Variants in COL4A3 observed in about 807,000 individuals in gnomAD.
COL4A3 encodes collagen alpha-3(IV) chain.
COL4A3 carries 135 observed loss-of-function variants against 217.4 expected under a neutral mutation model. The ratio of observed to expected loss-of-function variants is 0.62; its 90% CI spans 0.54 to 0.72. COL4A3 has a LOEUF of 0.72. Ranked by LOEUF, COL4A3 falls within the 30% of genes least tolerant of loss-of-function variation. The pLI, the probability that COL4A3 is intolerant of heterozygous loss-of-function variation, is 0.00. For missense variants in COL4A3, 1,868 were observed against 2,119.9 expected (o/e 0.88, Z 2.33); for synonymous variants, 690 against 736.3 (o/e 0.94, Z 1.02).
chr2:227,244,817 C>T (rs1274642979), intron 4 of COL4A3, 134 bp from the exon 5 acceptor site: 2 of 917,174 alleles, frequency 2.2e-6, no homozygotes, highest in Non-Finnish European at 3.6e-6. Flanking sequence ...TTTGTTTTCC[C>T]AATCGTTTCG....
chr2:227,262,328 C>CA (rs907557897), intron 20 of COL4A3, among the ~76,000 whole-genome samples: 6 of 152,046 alleles, frequency 3.9e-5, no homozygotes, highest in African/African-American at 1.2e-4. Context: ...AACAAACAAA[C>CA]AAAAAAACAG....
At chr2:227,204,566 A>G (rs1559824622) in intron 1 of COL4A3, among the ~76,000 whole-genome samples, 1 of 152,184 alleles carries the variant, frequency 6.6e-6, no homozygotes, top group Non-Finnish European at 1.5e-5. Context: ...CTGGGATTCT[A>G]AAGACAGGCT....
In COL4A3 at chr2:227,253,529, A is replaced by G. The variant is rs781623162; in HGVS notation, c.688-32A>G. On this transcript the variant is annotated intron_variant, in intron 12 of 51. Transcript: ENST00000396578. This position sits in a 1 kb window ranked among gnomAD's most constrained non-coding sequence, Gnocchi z 4.4. ...CATTGAAATGTTGATGCTGTTGTTT[A>G]TTTTCTCACTCCTGAGTGTTTTTGT... 2 of 1,575,336 alleles carry G rather than the reference A, an allele frequency of 1.3e-6. No homozygotes were observed. Among genetic ancestry groups the G allele is most frequent in the Non-Finnish European group, 1.7e-6 (2 of 1,144,880 alleles).
intron 1 of COL4A3, among the ~76,000 whole-genome samples, chr2:227,197,303 A>T (rs1250333828): frequency 6.6e-6 from 1 of 151,770 alleles, no homozygotes; most frequent in Non-Finnish European, 1.5e-5. Flanking sequence ...TGCAACCTCC[A>T]CCTCCCTGGG....
Position 227,283,931 on chromosome 2 carries a change from T to C in COL4A3, c.2746+75T>C, listed in dbSNP as rs2072153220. 4 of 1,345,972 alleles carry C rather than the reference T, an allele frequency of 3.0e-6. No homozygotes were observed. The Admixed American group carries it at 5.1e-5, about 17-fold the overall frequency. 83.4% of individuals were successfully genotyped at this position (1,345,972 alleles called of 1,614,324 possible). Reference sequence around the variant, plus strand: ...ATTTATTTTGCAGCAAAAAAAGTTATGTTTCATTGGAGGGAAAAATAGTTC... The same window carrying C: ...ATTTATTTTGCAGCAAAAAAAGTTACGTTTCATTGGAGGGAAAAATAGTTC... On this transcript the variant is annotated intron_variant, in intron 33 of 51. Coordinates refer to ENST00000396578, the MANE Select transcript of COL4A3 (RefSeq NM_000091.5).
intron 1 of COL4A3, among the ~76,000 whole-genome samples, chr2:227,193,380 G>A (rs1250317073): frequency 6.6e-6 from 1 of 152,186 alleles, no homozygotes; most frequent in Non-Finnish European, 1.5e-5. Flanking sequence ...AGATCACAAT[G>A]GCAGGATGTT....
At chr2:227,209,823 T>C (rs2067245169) in intron 1 of COL4A3, among the ~76,000 whole-genome samples, 1 of 151,868 alleles carries the variant, frequency 6.6e-6, no homozygotes, top group Non-Finnish European at 1.5e-5. Context: ...GCCTGGGCAA[T>C]AAGAGCAAAA....
chr2:227,199,666 A>T (rs1004088035), intron 1 of COL4A3, among the ~76,000 whole-genome samples: 1 of 152,194 alleles, frequency 6.6e-6, no homozygotes, highest in African/African-American at 2.4e-5. Flanking sequence ...ATCACCTAAG[A>T]TCTTAAATAT....
At position 227,191,048 on chromosome 2, in the gene COL4A3, AG is replaced by A. The variant is rs555025704; in HGVS notation, c.87+26237del. 4.6e-3 allele frequency among the ~76,000 whole-genome samples: 694 copies of A among 152,326 alleles called. 7 individuals carry two copies. The highest frequency in any genetic ancestry group is 0.016 in the African/African-American group (665 of 41,570). On this transcript the variant is annotated intron_variant, in intron 1 of 51. Transcript: ENST00000396578. The surrounding 1 kb of genome is among the most constrained non-coding windows in gnomAD (Gnocchi z 6.8). ...AGAATTTTTTAAAAAATAGATGCAA[AG>A]GTTATTATATATGAAATTTTATGTC...
chr2:227,280,442 A>G lies in COL4A3; in HGVS notation c.2226A>G (p.Gly742=). ...ATAACACAATTTCTATGCTGTAGGG[A>G]GAACCAGCAGTAGCCATGCCTGGAG... The part of the protein sequence containing the change: ...PGKPGLPGAK[G]EPAVAMPGGP... Residue 742 remains glycine, a splice_region_variant and synonymous_variant, in exon 30 of 52, where the codon GGA becomes GGG. Coordinates refer to ENST00000396578, the MANE Select transcript of COL4A3 (RefSeq NM_000091.5). 3.1e-6 allele frequency: 5 copies of G among 1,614,114 alleles called. No homozygotes were observed. The highest frequency in any genetic ancestry group is 4.2e-6 in the Non-Finnish European group (5 of 1,179,996).
chr2:227,271,888 C>T (rs1304233809), intron 25 of COL4A3, among the ~76,000 whole-genome samples: 1 of 152,160 alleles, frequency 6.6e-6, no homozygotes, highest in African/African-American at 2.4e-5. Context: ...ACCAGTTTCT[C>T]CCAGGGCTAA....
chr2:227,230,908 T>C (rs533783683), intron 1 of COL4A3, among the ~76,000 whole-genome samples: 2 of 152,308 alleles, frequency 1.3e-5, no homozygotes, highest in South Asian at 2.1e-4. Context: ...ACTATAATTT[T>C]GAGTTCACAC....
At chr2:227,251,894 TC>T (rs1213624049) in intron 11 of COL4A3, among the ~76,000 whole-genome samples, 4 of 151,522 alleles carry the variant, frequency 2.6e-5, no homozygotes, top group Non-Finnish European at 5.9e-5. Context: ...TGTGATGAAA[TC>T]CCATCTCTAC....
At position 227,276,486 on chromosome 2, in the gene COL4A3, C is replaced by A; in HGVS notation, c.2020+9C>A. ...CCCCCAAGGTCCACCTGGTAAGTAT[C>A]CTCTGCCAAATCTGGTACATGGCAT... On this transcript the variant is annotated intron_variant, in intron 27 of 51. Transcript: ENST00000396578. 1 of 1,604,108 alleles carries A rather than the reference C, an allele frequency of 6.2e-7. No homozygotes were observed. Among genetic ancestry groups the A allele is most frequent in the Non-Finnish European group, 8.5e-7 (1 of 1,170,958 alleles).
intron 1 of COL4A3, among the ~76,000 whole-genome samples, chr2:227,203,332 T>TAC (rs1158923097): frequency 5.0e-5 from 3 of 59,486 alleles, no homozygotes; most frequent in Admixed American, 2.0e-4. Flanking sequence ...TGTGTATACA[T>TAC]ACATATATGT....
chr2:227,254,232 A>C (rs2069998986), intron 14 of COL4A3, 58 bp downstream of exon 14: 1 of 1,464,156 alleles, frequency 6.8e-7, no homozygotes, highest in Non-Finnish European at 9.6e-7. Context: ...CTTAGTATTT[A>C]CTTTGATGTG....
intron 26 of COL4A3, among the ~76,000 whole-genome samples, chr2:227,274,500 T>C (rs2071439017): frequency 7.1e-6 from 1 of 141,454 alleles, no homozygotes; most frequent in African/African-American, 2.5e-5. Context: ...TTGGAGCTGC[T>C]TTTTTTTTTT....
chr2:227,312,048 T>C lies in COL4A3; in HGVS notation c.*178T>C, dbSNP rs2073761701. On this transcript the variant is annotated 3_prime_UTR_variant, in exon 52 of 52. Coordinates refer to ENST00000396578, the MANE Select transcript of COL4A3 (RefSeq NM_000091.5). ...CAATTCTTTCAAGTCAGTTCTGTGA[T>C]CTGGGTCTCTAATCTGTGCTGTTTC... The C allele has an allele frequency of 8.8e-7, 1 of 1,140,122 alleles. No individual in the cohort carries two copies. The highest frequency in any genetic ancestry group is 1.6e-5 in the African/African-American group (1 of 63,916). The allele number at this position is 1,140,122 out of a possible 1,614,324, so 70.6% of individuals were successfully genotyped here. A position where few individuals can be genotyped will look rare whatever the true frequency, so the allele number is the denominator to read the frequency against.
chr2:227,177,414 C>G (rs147853368), intron 1 of COL4A3, among the ~76,000 whole-genome samples: 3,589 of 152,150 alleles, frequency 0.024, 100 homozygotes, highest in Admixed American at 0.066. Context: ...CTCGGCCTCC[C>G]AAAGTGCTGG....
Sources: gnomAD v4.1 joint callset for allele counts (sites outside exome capture counted in the v4.1 genomes callset) on GRCh38, gnomAD v4.1.1 for gene constraint, Gnocchi (gnomAD v3.1) non-coding constraint, MANE v1.5 for transcripts, NCBI Gene and HGNC (gene_info 2026-07-23, HGNC 2026-07-21) for gene names.